PRDM6: variants seen among roughly 807,000 people sequenced by gnomAD.
PRDM6 encodes the protein putative histone-lysine N-methyltransferase PRDM6.
PRDM6 carries 25 observed loss-of-function variants against 60.8 expected under a neutral mutation model. The observed-to-expected ratio is 0.41, with a 90% CI of 0.30 to 0.57. The LOEUF (loss-of-function observed/expected upper bound fraction) is 0.57. Ranked by LOEUF, PRDM6 falls within the 20% of genes least tolerant of loss-of-function variation. The pLI, the probability that PRDM6 is intolerant of heterozygous loss-of-function variation, is 0.27. For missense variants in PRDM6, 839 were observed against 821.3 expected (o/e 1.02, Z -0.26); for synonymous variants, 407 against 357.4 (o/e 1.14, Z -1.57).
intron 3 of PRDM6, among the ~76,000 whole-genome samples, chr5:123,129,092 C>A (rs1278364387): frequency 6.6e-6 from 1 of 152,140 alleles, no homozygotes; most frequent in Non-Finnish European, 1.5e-5. Flanking sequence ...AGTGTTATTT[C>A]TGAGGGCTCT....
chr5:123,169,915 G>A (rs1046123443), intron 5 of PRDM6, among the ~76,000 whole-genome samples: 3 of 152,102 alleles, frequency 2.0e-5, no homozygotes, highest in Non-Finnish European at 2.9e-5. Flanking sequence ...TCCAAAGCCC[G>A]AGTCACAAGC....
At chr5:123,169,178 C>G (rs1056908537) in intron 5 of PRDM6, among the ~76,000 whole-genome samples, 11 of 152,138 alleles carry the variant, frequency 7.2e-5, no homozygotes, top group African/African-American at 2.2e-4. Flanking sequence ...ACTTTAATCT[C>G]TCAGCCTTGA....
chr5:123,190,150 C>G lies in PRDM6; in HGVS notation c.*2949C>G, dbSNP rs577947030. 6.6e-6 allele frequency: 1 copy of G among 152,152 alleles called. No individual in the cohort carries two copies. Among genetic ancestry groups the G allele is most frequent in the Non-Finnish European group, 1.5e-5 (1 of 68,028 alleles). The allele number at this position is 152,152 out of a possible 1,614,324, so 9.4% of individuals were successfully genotyped here. A position where few individuals can be genotyped will look rare whatever the true frequency, so the allele number is the denominator to read the frequency against. On this transcript the variant is annotated 3_prime_UTR_variant, in exon 8 of 8. Coordinates refer to ENST00000407847, the MANE Select transcript of PRDM6 (RefSeq NM_001136239.4). Reference sequence around the variant, plus strand: ...CTGAATCAGGGTTTGGCTCTTGAAGCAATCCTTCTTTACTCTTTTCTTTCA... The same window carrying G: ...CTGAATCAGGGTTTGGCTCTTGAAGGAATCCTTCTTTACTCTTTTCTTTCA...
In PRDM6 at chr5:123,155,877, T is replaced by C; in HGVS notation, c.901-7T>C. 6.5e-7 allele frequency: 1 copy of C among 1,549,932 alleles called. No individual in the cohort carries two copies. The highest frequency in any genetic ancestry group is 8.7e-7 in the Non-Finnish European group (1 of 1,146,466). ...CTAACTACTTGACCTTCTGACCTCT[T>C]CTCCAGATATATGACCAGGATGGGA... is the stretch of plus-strand genomic sequence containing the variant. On this transcript the variant is annotated splice_region_variant and splice_polypyrimidine_tract_variant and intron_variant, in intron 3 of 7. Transcript: ENST00000407847.
chr5:123,110,135 A>C (rs1764277117), intron 3 of PRDM6, among the ~76,000 whole-genome samples: 1 of 152,224 alleles, frequency 6.6e-6, no homozygotes, highest in Non-Finnish European at 1.5e-5. Context: ...GAAAAGCAAG[A>C]ATTCCAAGTG....
chr5:123,194,248 C>T lies in PRDM6; in HGVS notation c.*7047C>T, dbSNP rs954488411. The T allele has an allele frequency of 2.6e-5, 4 of 152,076 alleles. No homozygotes were observed. Among genetic ancestry groups the T allele is most frequent in the African/African-American group, 9.7e-5 (4 of 41,402 alleles). The allele number at this position is 152,076 out of a possible 1,614,324, so 9.4% of individuals were successfully genotyped here. On this transcript the variant is annotated 3_prime_UTR_variant, in exon 8 of 8. Transcript: ENST00000407847. ...ATGTAAATATATTTGATTAATAAAA[C>T]GTTTTTATGATGACTCGATCTTCCC...
Position 123,099,730 on chromosome 5 carries a change from G to A in PRDM6, c.669G>A (p.Val223=), listed in dbSNP as rs1309444686. 1.2e-5 allele frequency: 18 copies of A among 1,539,704 alleles called. No homozygotes were observed. The highest frequency in any genetic ancestry group is 2.0e-5 in the Admixed American group (1 of 50,088). The change falls in exon 3 of 8, where the codon GTG becomes GTA. Residue 223 remains valine, a synonymous_variant. Transcript: ENST00000407847. This position sits in a 1 kb window ranked among gnomAD's most constrained non-coding sequence, Gnocchi z 4.0. ...HGPLHSLRRL[V]GTSSAAAAAP... ...CACTGCACTCGCTGCGCCGGCTTGTGGGCACCAGCAGCGCTGCGGCCGCCG... is the reference window on the plus strand; with the variant it reads ...CACTGCACTCGCTGCGCCGGCTTGTAGGCACCAGCAGCGCTGCGGCCGCCG...
chr5:123,103,198 G>A lies in PRDM6; in HGVS notation c.900+3237G>A, dbSNP rs139071970. 3.8e-4 allele frequency among the ~76,000 whole-genome samples: 57 copies of A among 151,918 alleles called. No individual in the cohort carries two copies. In the East Asian group the frequency reaches 4.8e-3, roughly 13 times the overall value. ...ATTTATGGGAAATTCCAAGAGAGTT[G>A]TTTTTTCTTTTTTTGCAATAAGCCA... On this transcript the variant is annotated intron_variant, in intron 3 of 7. Coordinates refer to ENST00000407847, the MANE Select transcript of PRDM6 (RefSeq NM_001136239.4).
chr5:123,154,534 T>TA (rs112984575), intron 3 of PRDM6, among the ~76,000 whole-genome samples: 49 of 151,108 alleles, frequency 3.2e-4, no homozygotes, highest in African/African-American at 4.1e-4. Context: ...ATAAATAAAG[T>TA]AAAAAAAAAC....
chr5:123,090,155 G>A lies in PRDM6; in HGVS notation c.141G>A (p.Pro47=). 6.6e-7 allele frequency: 1 copy of A among 1,520,320 alleles called. No homozygotes were observed. The highest frequency in any genetic ancestry group is 2.7e-5 in the East Asian group (1 of 36,670). The allele number at this position is 1,520,320 out of a possible 1,614,324, so 94.2% of individuals were successfully genotyped here. A position where few individuals can be genotyped will look rare whatever the true frequency, so the allele number is the denominator to read the frequency against. The change falls in exon 2 of 8, where the codon CCG becomes CCA. Residue 47 remains proline (P), a synonymous_variant. Transcript: ENST00000407847. Reference sequence around the variant, plus strand: ...GCGCCGCGGGTCTCCTGAGCGCGCCGCAGCCTCTTCAGCCGCCGCCGCCGC... The same window carrying A: ...GCGCCGCGGGTCTCCTGAGCGCGCCACAGCCTCTTCAGCCGCCGCCGCCGC... The part of the protein sequence containing the change: ...GSGAAGLLSA[P]QPLQPPPPPP...
chr5:123,157,358 G>T (rs1226681299), intron 4 of PRDM6, among the ~76,000 whole-genome samples: 1 of 152,144 alleles, frequency 6.6e-6, no homozygotes, highest in Admixed American at 6.5e-5. Flanking sequence ...TAGAAAATTA[G>T]TGAAGATTGT....
chr5:123,140,316 G>A (rs754337963), intron 3 of PRDM6, among the ~76,000 whole-genome samples: 20 of 151,566 alleles, frequency 1.3e-4, no homozygotes, highest in Admixed American at 2.6e-4. Flanking sequence ...ATGACATGAT[G>A]GAATATATAT....
chr5:123,094,747 C>T (rs895059675), intron 2 of PRDM6, among the ~76,000 whole-genome samples: 1 of 152,154 alleles, frequency 6.6e-6, no homozygotes, highest in Non-Finnish European at 1.5e-5. Context: ...CTCGCGGCTC[C>T]TATTCATCAT....
intron 6 of PRDM6, among the ~76,000 whole-genome samples, chr5:123,172,051 G>A: frequency 6.6e-6 from 1 of 152,118 alleles, no homozygotes; most frequent in East Asian, 1.9e-4. Context: ...GCTGGGGTAG[G>A]AGACTTGGAA....
Position 123,162,040 on chromosome 5 carries a change from A to T in PRDM6, c.1153+2402A>T, listed in dbSNP as rs143003868. On this transcript the variant is annotated intron_variant, in intron 5 of 7. Coordinates refer to ENST00000407847, the MANE Select transcript of PRDM6 (RefSeq NM_001136239.4). Reference sequence around the variant, plus strand: ...CCAACAGCATTTTCTGACACATTAGATGCTGAGTGAGAAAGAGGAGTCAGG... The same window carrying T: ...CCAACAGCATTTTCTGACACATTAGTTGCTGAGTGAGAAAGAGGAGTCAGG... 3.9e-5 allele frequency among the ~76,000 whole-genome samples: 6 copies of T among 152,322 alleles called. No individual in the cohort carries two copies. The East Asian group carries it at 1.2e-3, about 29-fold the overall frequency.
chr5:123,184,946 C>G (rs1206115145), intron 7 of PRDM6, among the ~76,000 whole-genome samples: 1 of 152,148 alleles, frequency 6.6e-6, no homozygotes, highest in African/African-American at 2.4e-5. Flanking sequence ...TTTACTCACA[C>G]TTGGTGTGCA....
intron 2 of PRDM6, among the ~76,000 whole-genome samples, chr5:123,095,737 A>G (rs1192124497): frequency 6.6e-6 from 1 of 152,244 alleles, no homozygotes; most frequent in East Asian, 1.9e-4. Context: ...GTGAGAGCCA[A>G]CGAAGGCGTC....
chr5:123,149,056 G>A (rs1033327307), intron 3 of PRDM6, among the ~76,000 whole-genome samples: 3 of 152,178 alleles, frequency 2.0e-5, no homozygotes, highest in South Asian at 2.1e-4. Flanking sequence ...AATGCCACAC[G>A]AATATGTATG....
In PRDM6 at chr5:123,099,649, C is replaced by T. The variant is rs559052980; in HGVS notation, c.593-5C>T. On this transcript the variant is annotated splice_region_variant and splice_polypyrimidine_tract_variant and intron_variant, in intron 2 of 7. Transcript: ENST00000407847. The surrounding 1 kb of genome is among the most constrained non-coding windows in gnomAD (Gnocchi z 4.0). ...CCTTCCCTTCCTCCTTCTTGTCTCC[C>T]GCAGGTTGCGACATGTGCGCGGACA... 3 of 1,451,712 alleles carry T rather than the reference C, an allele frequency of 2.1e-6. No individual in the cohort carries two copies. Among genetic ancestry groups the T allele is most frequent in the Non-Finnish European group, 2.7e-6 (3 of 1,098,458 alleles). 89.9% of individuals were successfully genotyped at this position (1,451,712 alleles called of 1,614,324 possible). A position where few individuals can be genotyped will look rare whatever the true frequency, so the allele number is the denominator to read the frequency against.
Sources: allele counts gnomAD v4.1 joint callset (sites outside exome capture counted in the v4.1 genomes callset), GRCh38; gene constraint gnomAD v4.1.1; non-coding constraint Gnocchi (gnomAD v3.1); transcripts MANE v1.5; gene names NCBI Gene and HGNC (gene_info 2026-07-23, HGNC 2026-07-21).